Variants in KCNN2 observed in about 807,000 individuals in gnomAD.
KCNN2 encodes the protein potassium calcium-activated channel subfamily N member 2.
KCNN2 carries 24 observed loss-of-function variants against 55.5 expected under a neutral mutation model. The ratio of observed to expected loss-of-function variants is 0.43; its 90% confidence interval spans 0.31 to 0.61. The LOEUF is 0.61. Among genes scored for constraint, KCNN2 ranks in the 20% least tolerant of loss-of-function variants. The pLI, the probability that KCNN2 is intolerant of heterozygous loss-of-function variation, is 0.08. For synonymous variants in KCNN2, 431 were observed against 336.1 expected, an observed-to-expected ratio of 1.28 and a Z score of -3.09; for missense variants, 754 against 853.6, an observed-to-expected ratio of 0.88 and a Z score of 1.45.
At chr5:114,375,765 A>G (rs571034583) in intron 2 of KCNN2, among the ~76,000 whole-genome samples, 95 of 152,028 alleles carry the variant, frequency 6.2e-4, no homozygotes, top group Non-Finnish European at 1.1e-3. Context: ...AACGAGTTTG[A>G]GCAGGCTTCT....
upstream of KCNN2, among the ~76,000 whole-genome samples, chr5:114,358,643 T>A (rs1278047146): frequency 7.4e-6 from 1 of 134,444 alleles, no homozygotes; most frequent in Non-Finnish European, 1.7e-5. Context: ...TAGCCCTTGA[T>A]CTGCGTCTTT....
chr5:114,140,862 C>T (rs1339466047), intron 1 of KCNN2, among the ~76,000 whole-genome samples: 3 of 151,102 alleles, frequency 2.0e-5, no homozygotes, highest in Non-Finnish European at 4.4e-5. Context: ...GATCTTGGCT[C>T]ACTGCAACCT....
intron 2 of KCNN2, among the ~76,000 whole-genome samples, chr5:114,223,047 A>G (rs531837976): frequency 2.9e-4 from 44 of 150,010 alleles, no homozygotes; most frequent in African/African-American, 9.6e-4. Context: ...GCATTCATTG[A>G]TTTTCTACAA....
At chr5:114,408,201 C>CT (rs767007143) in intron 3 of KCNN2, among the ~76,000 whole-genome samples, 12,273 of 139,722 alleles carry the variant, frequency 0.088, 780 homozygotes, top group African/African-American at 0.18. Context: ...GGCTTTCTAG[C>CT]TTTTTTTTTT....
chr5:114,407,206 T>C (rs2150072536), intron 3 of KCNN2, among the ~76,000 whole-genome samples: 1 of 152,266 alleles, frequency 6.6e-6, no homozygotes, highest in East Asian at 1.9e-4. Context: ...GAGATTTTTC[T>C]GAATTCTTTA....
chr5:114,073,582 T>TA (rs145310399), intron 1 of KCNN2, among the ~76,000 whole-genome samples: 2,346 of 152,286 alleles, frequency 0.015, 66 homozygotes, highest in African/African-American at 0.054. Flanking sequence ...TGCCTATGCT[T>TA]ACCTCCTCCT....
At chr5:114,357,089 C>G (rs1426818105), upstream of KCNN2, among the ~76,000 whole-genome samples, 4 of 152,090 alleles carry the variant, frequency 2.6e-5, no homozygotes, top group African/African-American at 9.6e-5. Context: ...TCCTTCAGAC[C>G]ACCCCAATAT....
At chr5:114,490,601 C>G (rs1209866084) in intron 6 of KCNN2, 3 of 397,268 alleles carry the variant, frequency 7.6e-6, no homozygotes, top group Non-Finnish European at 1.3e-5. Flanking sequence ...TTGTGCACAA[C>G]TGAACACCAC....
intron 1 of KCNN2, among the ~76,000 whole-genome samples, chr5:114,106,783 T>A (rs1751493727): frequency 6.6e-6 from 1 of 151,820 alleles, no homozygotes; most frequent in South Asian, 2.1e-4. Context: ...ATTCTGGGAG[T>A]CTTCTATCAG....
At position 114,316,703 on chromosome 5, in the gene KCNN2, C is replaced by A. The variant is rs543464377; in HGVS notation, c.-184-44242C>A. Among the ~76,000 whole-genome samples, 27 of 152,280 alleles carry A rather than the reference C, an allele frequency of 1.8e-4. No homozygotes were observed. In the South Asian group the frequency reaches 3.7e-3, roughly 21 times the overall value. On this transcript the variant is annotated intron_variant, in intron 2 of 10. Coordinates refer to the KCNN2 transcript ENST00000512097. ...AAATGTAACCCAATCAGTCATATTACAAAACCATATCTCTAAATCATTAAT... is the reference window on the plus strand; with the variant it reads ...AAATGTAACCCAATCAGTCATATTAAAAAACCATATCTCTAAATCATTAAT...
intron 1 of KCNN2, among the ~76,000 whole-genome samples, chr5:114,093,743 C>G (rs1751196629): frequency 6.6e-6 from 1 of 152,142 alleles, no homozygotes. Context: ...CTTGTGAGAA[C>G]TCACTTATTA....
chr5:114,313,891 T>C (rs760212871), intron 2 of KCNN2, among the ~76,000 whole-genome samples: 2 of 152,124 alleles, frequency 1.3e-5, no homozygotes, highest in Non-Finnish European at 2.9e-5. Context: ...TCATGAAATG[T>C]TTTTACGGGC....
At chr5:114,470,137 T>G (rs1023901242) in intron 4 of KCNN2, among the ~76,000 whole-genome samples, 1 of 152,210 alleles carries the variant, frequency 6.6e-6, no homozygotes, top group Non-Finnish European at 1.5e-5. Flanking sequence ...GAATGGAGCC[T>G]GAGAATAAAC....
intron 2 of KCNN2, among the ~76,000 whole-genome samples, chr5:114,304,971 C>CA (rs1382512133): frequency 6.6e-6 from 1 of 152,090 alleles, no homozygotes; most frequent in Non-Finnish European, 1.5e-5. Context: ...AAGTATTTGC[C>CA]AAAATAACAG....
chr5:114,286,149 A>C (rs1211271321), intron 2 of KCNN2, among the ~76,000 whole-genome samples: 1 of 152,132 alleles, frequency 6.6e-6, no homozygotes, highest in Admixed American at 6.6e-5. Context: ...AAAACGTCCT[A>C]GTCTCCTTCC....
rs553780917 is a variant in KCNN2 at position 114,203,744 on chromosome 5, G to A, written c.-270-17736G>A. 2.4e-4 allele frequency among the ~76,000 whole-genome samples: 36 copies of A among 152,322 alleles called. No homozygotes were observed. In the South Asian group the frequency reaches 7.5e-3, roughly 32 times the overall value. ...CAGAGAAAAGGCCATAAGAACAGTG[G>A]AGGAAGAGCATGGACTCAGACTTCA... On this transcript the variant is annotated intron_variant, in intron 1 of 10. Transcript: ENST00000512097.
intron 1 of KCNN2, among the ~76,000 whole-genome samples, chr5:114,132,162 T>C (rs746074325): frequency 6.6e-6 from 1 of 152,216 alleles, no homozygotes; most frequent in African/African-American, 2.4e-5. Context: ...ATTTTGGCTT[T>C]TGTTGCAATT....
At chr5:114,418,967 A>G (rs763061560) in intron 3 of KCNN2, among the ~76,000 whole-genome samples, 25 of 152,224 alleles carry the variant, frequency 1.6e-4, no homozygotes, top group Non-Finnish European at 3.5e-4. Flanking sequence ...AAGTAATCAC[A>G]TAACTGAATG....
In KCNN2 at chr5:114,496,368, C is replaced by T. The variant is rs972749881; in HGVS notation, c.*186C>T. 1 of 600,490 alleles carries T rather than the reference C, an allele frequency of 1.7e-6. No homozygotes were observed. Among genetic ancestry groups the T allele is most frequent in the South Asian group, 2.2e-5 (1 of 45,282 alleles). 37.2% of individuals were successfully genotyped at this position (600,490 alleles called of 1,614,324 possible). A position where few individuals can be genotyped will look rare whatever the true frequency, so the allele number is the denominator to read the frequency against. On this transcript the variant is annotated 3_prime_UTR_variant, in exon 8 of 8. Coordinates refer to ENST00000673685, the MANE Select transcript of KCNN2 (RefSeq NM_021614.4). ...ACTCTTTTTTTTTCTTTCAGATGCACAGGGAATGCACCTATTATTGCTATA... is the reference window on the plus strand; with the variant it reads ...ACTCTTTTTTTTTCTTTCAGATGCATAGGGAATGCACCTATTATTGCTATA...
Sources: allele counts gnomAD v4.1 joint callset (sites outside exome capture counted in the v4.1 genomes callset), GRCh38; gene constraint gnomAD v4.1.1; transcripts MANE v1.5; gene names NCBI Gene and HGNC (gene_info 2026-07-23, HGNC 2026-07-21).